PHACTR3: variants seen among roughly 807,000 people sequenced by gnomAD.
PHACTR3 encodes the protein protein phosphatase 1, regulatory subunit 123.
PHACTR3 carries 16 observed loss-of-function variants against 66.8 expected under a neutral mutation model. The ratio of observed to expected loss-of-function variants is 0.24; its 90% CI spans 0.16 to 0.36. The LOEUF (loss-of-function observed/expected upper bound fraction) is 0.36. Among genes scored for constraint, PHACTR3 ranks in the 10% least tolerant of loss-of-function variants. The pLI, the probability that PHACTR3 is intolerant of heterozygous loss-of-function variation, is 1.00. For synonymous variants in PHACTR3, 323 were observed against 292.1 expected, an observed-to-expected ratio of 1.11 and a Z score of -1.08; for missense variants, 647 against 719.9, an observed-to-expected ratio of 0.90 and a Z score of 1.16.
At chr20:59,773,675 A>G (rs2040432329) in intron 6 of PHACTR3, among the ~76,000 whole-genome samples, 1 of 152,312 alleles carries the variant, frequency 6.6e-6, no homozygotes. Context: ...GTGAATGTGC[A>G]CTATGGGAAC....
intron 1 of PHACTR3, among the ~76,000 whole-genome samples, chr20:59,616,510 T>C (rs960898795): frequency 6.6e-6 from 1 of 152,226 alleles, no homozygotes; most frequent in Non-Finnish European, 1.5e-5. Context: ...ACTGCTGGCA[T>C]GCACCGGGAA....
chr20:59,619,024 G>A (rs1408638463), intron 1 of PHACTR3, among the ~76,000 whole-genome samples: 2 of 152,224 alleles, frequency 1.3e-5, no homozygotes, highest in Non-Finnish European at 2.9e-5. Context: ...GCACAGTGGA[G>A]CAGGGATGCT....
rs1380567699 is a variant in PHACTR3 at position 59,820,407 on chromosome 20, A to C, written c.1328+14213A>C. 1.3e-5 allele frequency among the ~76,000 whole-genome samples: 2 copies of C among 152,174 alleles called. No individual in the cohort carries two copies. Among genetic ancestry groups the C allele is most frequent in the Non-Finnish European group, 2.9e-5 (2 of 68,034 alleles). On this transcript the variant is annotated intron_variant, in intron 8 of 12. Transcript: ENST00000371015. The surrounding 1 kb of genome is among the most constrained non-coding windows in gnomAD (Gnocchi z 4.6). Reference sequence around the variant, plus strand: ...GCAAAATGGTGGCTATCATGTATGGATCTTGTACGTTCTGCTTTTAGATGG... The same window carrying C: ...GCAAAATGGTGGCTATCATGTATGGCTCTTGTACGTTCTGCTTTTAGATGG...
rs192871830 is a variant in PHACTR3 at position 59,778,093 on chromosome 20, C to A, written c.1174+3603C>A. ...TCTCTGTTCCCCTTGGAGCAGTTCGCGGGTCCAGCCAACTCCCTCTTCTCT... is the reference window on the plus strand; with the variant it reads ...TCTCTGTTCCCCTTGGAGCAGTTCGAGGGTCCAGCCAACTCCCTCTTCTCT... On this transcript the variant is annotated intron_variant, in intron 7 of 12. Coordinates refer to ENST00000371015, the MANE Select transcript of PHACTR3 (RefSeq NM_080672.5). Among the ~76,000 whole-genome samples, 16 of 152,292 alleles carry A rather than the reference C, an allele frequency of 1.1e-4. No individual in the cohort carries two copies. In the East Asian group the frequency reaches 2.5e-3, roughly 24 times the overall value.
At chr20:59,690,988 A>G (rs1201148122) in intron 1 of PHACTR3, among the ~76,000 whole-genome samples, 1 of 152,164 alleles carries the variant, frequency 6.6e-6, no homozygotes, top group African/African-American at 2.4e-5. Flanking sequence ...AGGCTTTTTT[A>G]CAGGGCTTGA....
intron 1 of PHACTR3, among the ~76,000 whole-genome samples, chr20:59,708,003 T>C: frequency 6.6e-6 from 1 of 152,204 alleles, no homozygotes; most frequent in Non-Finnish European, 1.5e-5. Context: ...TTCCTAACAG[T>C]TCCAGAAAAA....
At chr20:59,693,347 C>A (rs536573195) in intron 1 of PHACTR3, among the ~76,000 whole-genome samples, 2 of 152,112 alleles carry the variant, frequency 1.3e-5, no homozygotes, top group African/African-American at 4.8e-5. Context: ...AGCTTGGGGT[C>A]GGTTTGCAGA....
intron 5 of PHACTR3, among the ~76,000 whole-genome samples, chr20:59,769,945 C>T (rs1369557644): frequency 6.6e-6 from 1 of 152,214 alleles, no homozygotes; most frequent in African/African-American, 2.4e-5. Context: ...CTTTTTCCTC[C>T]ATTGAAACCT....
rs573296907 is a variant in PHACTR3 at position 59,724,184 on chromosome 20, G to C, written c.119-18923G>C. Among the ~76,000 whole-genome samples the C allele has an allele frequency of 9.2e-5, 14 of 152,094 alleles. 1 individual carries two copies. Among genetic ancestry groups the C allele is most frequent in the Non-Finnish European group, 1.9e-4 (13 of 68,014 alleles). On this transcript the variant is annotated intron_variant, in intron 1 of 12. Transcript: ENST00000371015. ...TCTAGAGCAGGGCTTCTCTCATTCT[G>C]TTCCTGCCCATGTTCATTTCAACCC...
At chr20:59,839,145 G>A (rs767158124) in intron 9 of PHACTR3, among the ~76,000 whole-genome samples, 4 of 151,952 alleles carry the variant, frequency 2.6e-5, no homozygotes, top group East Asian at 1.9e-4. Flanking sequence ...TTTACGTCAC[G>A]TAAATCCCTC....
rs772434745 is a variant in PHACTR3, at chr20:59,743,233, A to G, written c.245A>G (p.Lys82Arg). 2 of 1,614,130 alleles carry G rather than the reference A, an allele frequency of 1.2e-6. No individual in the cohort carries two copies. The highest frequency in any genetic ancestry group is 1.1e-5 in the South Asian group (1 of 91,092). ...GRIFKPWKWR[K>R]KKNEKLKQTT... Reference sequence around the variant, plus strand: ...ATCTTCAAACCCTGGAAATGGAGGAAAAAGAAAAACGAAAAACTGAAGCAG... The same window carrying G: ...ATCTTCAAACCCTGGAAATGGAGGAGAAAGAAAAACGAAAAACTGAAGCAG... Residue 82 changes from lysine to arginine, a missense_variant, in exon 2 of 13, where the codon AAA (lysine) becomes AGA (arginine). By Grantham distance (26) the Lys-to-Arg change is conservative (BLOSUM62 2). Coordinates refer to ENST00000371015, the MANE Select transcript of PHACTR3 (RefSeq NM_080672.5).
chr20:59,700,796 T>G (rs1458243598), intron 1 of PHACTR3, among the ~76,000 whole-genome samples: 1 of 138,092 alleles, frequency 7.2e-6, no homozygotes. Flanking sequence ...TTTGTTTTTT[T>G]GTTTTTGTTT....
At chr20:59,651,037 G>T (rs1213603059) in intron 1 of PHACTR3, among the ~76,000 whole-genome samples, 2 of 151,772 alleles carry the variant, frequency 1.3e-5, no homozygotes, top group South Asian at 2.1e-4. Context: ...CATGAATGTT[G>T]TGTGTGTGTG....
chr20:59,830,493 A>G lies in PHACTR3; in HGVS notation c.1329-6012A>G, dbSNP rs182483784. 2.0e-5 allele frequency among the ~76,000 whole-genome samples: 3 copies of G among 152,038 alleles called. No homozygotes were observed. Among genetic ancestry groups the G allele is most frequent in the African/African-American group, 7.2e-5 (3 of 41,450 alleles). ...TGGAGGTGTGAATGAGCAGATGTTG[A>G]AAGAGGGTGTGAGCATCCGTCTGAT... is the stretch of plus-strand genomic sequence containing the variant. On this transcript the variant is annotated intron_variant, in intron 8 of 12. Transcript: ENST00000371015. The surrounding 1 kb of genome is among the most constrained non-coding windows in gnomAD (Gnocchi z 5.8).
At chr20:59,825,915 CA>C (rs2145441646) in intron 8 of PHACTR3, among the ~76,000 whole-genome samples, 1 of 152,112 alleles carries the variant, frequency 6.6e-6, no homozygotes, top group South Asian at 2.1e-4. Flanking sequence ...TTAGCGCCCT[CA>C]AAAAAGGGAC....
At chr20:59,648,270 C>T (rs1053954415) in intron 1 of PHACTR3, among the ~76,000 whole-genome samples, 5 of 152,142 alleles carry the variant, frequency 3.3e-5, no homozygotes, top group Admixed American at 1.3e-4. Flanking sequence ...TCCTCTGTTC[C>T]CCCAGGCTCC....
intron 1 of PHACTR3, among the ~76,000 whole-genome samples, chr20:59,594,269 G>C (rs375448507): frequency 1.6e-4 from 24 of 151,428 alleles, no homozygotes; most frequent in African/African-American, 5.8e-4. Flanking sequence ...ATTAACTTCT[G>C]TGTGTTATCC....
intron 1 of PHACTR3, among the ~76,000 whole-genome samples, chr20:59,733,038 A>G (rs2038823854): frequency 6.6e-6 from 1 of 150,942 alleles, no homozygotes; most frequent in African/African-American, 2.4e-5. Context: ...GGCATTTAGC[A>G]GTATTTTCTT....
At position 59,763,368 on chromosome 20, in the gene PHACTR3, A is replaced by T. The variant is rs181049097; in HGVS notation, c.542-3818A>T. ...TCAGTCTTGGGCAGTTATTTTTAGC[A>T]GTGTAAGAAGAGACTAATACAGTAG... On this transcript the variant is annotated intron_variant, in intron 4 of 12. Transcript: ENST00000371015. Among the ~76,000 whole-genome samples, 828 of 152,346 alleles carry T rather than the reference A, an allele frequency of 5.4e-3. 5 individuals carry two copies. Among genetic ancestry groups the T allele is most frequent in the African/African-American group, 0.019 (783 of 41,566 alleles).
Sources: allele counts gnomAD v4.1 joint callset (sites outside exome capture counted in the v4.1 genomes callset), GRCh38; gene constraint gnomAD v4.1.1; non-coding constraint Gnocchi (gnomAD v3.1); transcripts MANE v1.5; gene names NCBI Gene and HGNC (gene_info 2026-07-23, HGNC 2026-07-21).